The following SYT9 variants were observed in gnomAD, a reference collection of about 807,000 sequenced individuals.
SYT9 encodes synaptotagmin 9, also known as synaptotagmin-9.
Under a neutral mutation model 48.4 loss-of-function variants are expected in SYT9, and 22 were observed. The observed-to-expected ratio is 0.45, with a 90% CI of 0.32 to 0.65. SYT9 has a LOEUF of 0.65. Ranked by LOEUF, SYT9 falls within the 30% of genes least tolerant of loss-of-function variation. SYT9 has a pLI of 0.03. For missense variants in SYT9, 577 were observed against 622.0 expected, an observed-to-expected ratio of 0.93 and a Z score of 0.77; for synonymous variants, 265 against 245.0, an observed-to-expected ratio of 1.08 and a Z score of -0.76.
At chr11:7,410,252 A>G (rs574668888) in intron 3 of SYT9, among the ~76,000 whole-genome samples, 1 of 152,122 alleles carries the variant, frequency 6.6e-6, no homozygotes, top group Non-Finnish European at 1.5e-5. Flanking sequence ...TCGTTTTGTG[A>G]CCTAACATAT....
intron 3 of SYT9, among the ~76,000 whole-genome samples, chr11:7,353,575 A>G (rs1849959729): frequency 6.6e-6 from 1 of 152,240 alleles, no homozygotes; most frequent in Admixed American, 6.5e-5. Context: ...TCTGTGTTTC[A>G]GCCTTGAGGG....
At chr11:7,437,221 C>T (rs780136080) in intron 6 of SYT9, among the ~76,000 whole-genome samples, 55 of 152,154 alleles carry the variant, frequency 3.6e-4, no homozygotes, top group Non-Finnish European at 5.9e-4. Context: ...TTCACAAAGA[C>T]TTTAGTGTTA....
chr11:7,446,661 C>A (rs1188231916), intron 6 of SYT9, among the ~76,000 whole-genome samples: 1 of 152,226 alleles, frequency 6.6e-6, no homozygotes, highest in Non-Finnish European at 1.5e-5. Flanking sequence ...CCATCCCCCC[C>A]AGCCTCTCTG....
chr11:7,327,863 A>G (rs989990514), intron 3 of SYT9, among the ~76,000 whole-genome samples: 4 of 80,866 alleles, frequency 4.9e-5, no homozygotes, highest in African/African-American at 1.4e-4. Context: ...ATAGGTGGGA[A>G]TTGAACAATG....
intron 6 of SYT9, among the ~76,000 whole-genome samples, chr11:7,436,803 C>T (rs1426142749): frequency 1.3e-5 from 2 of 152,208 alleles, no homozygotes; most frequent in East Asian, 3.8e-4. Context: ...TGGTGGACGA[C>T]CTCAGCTGTG....
intron 3 of SYT9, among the ~76,000 whole-genome samples, chr11:7,370,065 C>G (rs1850334639): frequency 6.6e-6 from 1 of 152,038 alleles, no homozygotes; most frequent in Admixed American, 6.6e-5. Context: ...ACTCTTCCCC[C>G]CAAGTCCCCA....
At chr11:7,338,637 T>A (rs995340538) in intron 3 of SYT9, among the ~76,000 whole-genome samples, 1 of 151,888 alleles carries the variant, frequency 6.6e-6, no homozygotes, top group African/African-American at 2.4e-5. Context: ...GGTGGTTTAA[T>A]TTCCATGTAA....
At chr11:7,444,679 G>A (rs781446856) in intron 6 of SYT9, 1 of 152,136 alleles carries the variant, frequency 6.6e-6, no homozygotes, top group African/African-American at 2.4e-5. Flanking sequence ...TGAAAGCAGA[G>A]CCGAGAGTAT....
chr11:7,365,261 T>C (rs976794071), intron 3 of SYT9, among the ~76,000 whole-genome samples: 24 of 152,038 alleles, frequency 1.6e-4, no homozygotes, highest in African/African-American at 5.3e-4. Context: ...GTTGGGAAAA[T>C]AAATGCTTCA....
chr11:7,292,786 T>C (rs1006492473), intron 1 of SYT9, among the ~76,000 whole-genome samples: 1 of 152,168 alleles, frequency 6.6e-6, no homozygotes, highest in Admixed American at 6.5e-5. Flanking sequence ...GTAGAAAACA[T>C]TGTAGATTTT....
intron 1 of SYT9, among the ~76,000 whole-genome samples, chr11:7,283,407 T>G (rs1445389247): frequency 2.6e-5 from 4 of 152,086 alleles, no homozygotes; most frequent in Non-Finnish European, 5.9e-5. Flanking sequence ...ATATTTTTAA[T>G]TTCTTATTCT....
intron 3 of SYT9, among the ~76,000 whole-genome samples, chr11:7,391,474 T>C (rs1846609250): frequency 6.6e-6 from 1 of 152,140 alleles, no homozygotes; most frequent in Admixed American, 6.5e-5. Flanking sequence ...ATCTGCTATT[T>C]TTTGACTTTT....
intron 3 of SYT9, among the ~76,000 whole-genome samples, chr11:7,321,710 G>A (rs948997034): frequency 7.2e-5 from 11 of 152,122 alleles, no homozygotes; most frequent in African/African-American, 2.7e-4. Context: ...TGAGCTGTTG[G>A]CAACTGAATA....
chr11:7,302,975 G>T, intron 1 of SYT9, 64 bp from the exon 2 acceptor site: 4 of 1,429,068 alleles, frequency 2.8e-6, no homozygotes, highest in Non-Finnish European at 3.9e-6. Flanking sequence ...TTCTGCCCAC[G>T]CTGTGCAATG....
At chr11:7,246,402 C>G (rs561524985) in intron 1 of SYT9, among the ~76,000 whole-genome samples, 112 of 152,328 alleles carry the variant, frequency 7.4e-4, no homozygotes, top group African/African-American at 2.4e-3. Context: ...GGGACTTCCT[C>G]TGTCATGCTT....
intron 3 of SYT9, among the ~76,000 whole-genome samples, chr11:7,334,921 A>G (rs1034608266): frequency 2.6e-5 from 4 of 152,192 alleles, no homozygotes; most frequent in African/African-American, 9.7e-5. Flanking sequence ...GAGATATTAC[A>G]AGTAAAGCTG....
chr11:7,387,520 C>G (rs1850684823), intron 3 of SYT9, among the ~76,000 whole-genome samples: 1 of 152,114 alleles, frequency 6.6e-6, no homozygotes, highest in African/African-American at 2.4e-5. Context: ...ACGATAATGA[C>G]AGAATGAATT....
chr11:7,464,838 T>G (rs1193124878), intron 6 of SYT9, among the ~76,000 whole-genome samples: 3 of 152,040 alleles, frequency 2.0e-5, no homozygotes, highest in African/African-American at 7.3e-5. Context: ...ATCCCAGTAC[T>G]TTGGGAGGCC....
intron 1 of SYT9, among the ~76,000 whole-genome samples, chr11:7,239,095 A>G (rs1387276674): frequency 1.3e-5 from 2 of 152,080 alleles, no homozygotes; most frequent in African/African-American, 2.4e-5. Flanking sequence ...TCTTTCATAC[A>G]TTTTGTTTAA....
Sources: allele counts gnomAD v4.1 joint callset (sites outside exome capture counted in the v4.1 genomes callset), GRCh38; gene constraint gnomAD v4.1.1; transcripts MANE v1.5; gene names NCBI Gene and HGNC (gene_info 2026-07-23, HGNC 2026-07-21).